The following SYCP2 variants were observed in gnomAD, a reference collection of about 807,000 sequenced individuals.
SYCP2 encodes synaptonemal complex lateral element protein.
A neutral mutation model predicts 211.3 loss-of-function variants in SYCP2; 55 were observed. The ratio of observed to expected loss-of-function variants is 0.26; its 90% confidence interval spans 0.21 to 0.33. The LOEUF is 0.33. Among genes scored for constraint, SYCP2 ranks in the 10% least tolerant of loss-of-function variants. The pLI, the probability that SYCP2 is intolerant of heterozygous loss-of-function variation, is 1.00. For missense variants in SYCP2, 1,731 were observed against 1,752.0 expected (o/e 0.99, Z 0.21); for synonymous variants, 570 against 555.2 (o/e 1.03, Z -0.37).
chr20:59,894,498 T>C (rs894104476), intron 20 of SYCP2, among the ~76,000 whole-genome samples: 1 of 151,878 alleles, frequency 6.6e-6, no homozygotes, highest in Non-Finnish European at 1.5e-5. Flanking sequence ...CCATTTAAAT[T>C]AAAAAAATAG....
intron 30 of SYCP2, 65 bp from the exon 31 acceptor site, chr20:59,880,536 T>A: frequency 2.1e-6 from 2 of 944,236 alleles, no homozygotes; most frequent in Non-Finnish European, 3.0e-6. Context: ...CAAGGTAAGT[T>A]AAACCAAAAC....
Position 59,881,433 on chromosome 20 carries a change from C to T in SYCP2, c.2714+4G>A. On this transcript the variant is annotated splice_donor_region_variant and intron_variant, in intron 29 of 44. Transcript: ENST00000357552. ...GAATATTTTAATCTAATAAAAATAC[C>T]TACAATCTAATTGACCTATCCGCAC... 1 of 1,463,718 alleles carries T rather than the reference C, an allele frequency of 6.8e-7. No homozygotes were observed. The highest frequency in any genetic ancestry group is 1.3e-5 in the South Asian group (1 of 79,170). 90.7% of individuals were successfully genotyped at this position (1,463,718 alleles called of 1,614,324 possible).
Position 59,912,397 on chromosome 20 carries a change from T to C in SYCP2, c.852A>G (p.Leu284=). The change falls in exon 13 of 45, where the codon TTA becomes TTG. Residue 284 remains leucine, a synonymous_variant. Transcript: ENST00000357552. ...CCTCATATTTATCAAGAAATGCTGA[T>C]AAACAAGGAAATGTAAAGACCCTGA... ...DKRRVFTFPC[L]SAFLDKYELQ... is the part of the protein sequence containing the mutation. The C allele has an allele frequency of 9.2e-7, 1 of 1,087,432 alleles. No individual in the cohort carries two copies. The highest frequency in any genetic ancestry group is 1.3e-6 in the Non-Finnish European group (1 of 754,420). The allele number at this position is 1,087,432 out of a possible 1,614,324, so 67.4% of individuals were successfully genotyped here.
In SYCP2 at chr20:59,926,762, G is replaced by A. The variant is rs79441573; in HGVS notation, c.-46-4303C>T. Reference sequence around the variant, plus strand: ...AGAAATAAAAGTTGAGGTTTTGAATGTACTGGGTGGGGAAGGAAAACATGT... The same window carrying A: ...AGAAATAAAAGTTGAGGTTTTGAATATACTGGGTGGGGAAGGAAAACATGT... On this transcript the variant is annotated intron_variant, in intron 2 of 44. Coordinates refer to ENST00000357552, the MANE Select transcript of SYCP2 (RefSeq NM_014258.4). Among the ~76,000 whole-genome samples, 1,120 of 152,244 alleles carry A rather than the reference G, an allele frequency of 7.4e-3. 19 individuals carry two copies. Among genetic ancestry groups the A allele is most frequent in the African/African-American group, 0.025 (1,058 of 41,564 alleles).
rs1171057526 is a variant in SYCP2 at position 59,900,741 on chromosome 20, T to TA, written c.1257+2dup. 3.1e-6 allele frequency: 5 copies of TA among 1,611,738 alleles called. No individual in the cohort carries two copies. Among genetic ancestry groups the TA allele is most frequent in the Non-Finnish European group, 4.2e-6 (5 of 1,178,392 alleles). ...ATAAAAATCAAGTAAGTCTGAGACA[T>TA]ACCTGTGATCCACTTGCGTCAAAAA... On this transcript the variant is annotated splice_region_variant and intron_variant, in intron 17 of 44. Coordinates refer to ENST00000357552, the MANE Select transcript of SYCP2 (RefSeq NM_014258.4).
chr20:59,873,760 T>C, intron 35 of SYCP2, 96 bp downstream of exon 35: 1 of 1,107,890 alleles, frequency 9.0e-7, no homozygotes, highest in Non-Finnish European at 1.3e-6. Flanking sequence ...AAACCTTAAA[T>C]AGACAAGCAA....
At chr20:59,932,892 C>G (rs555278827) in intron 1 of SYCP2, among the ~76,000 whole-genome samples, 1 of 152,202 alleles carries the variant, frequency 6.6e-6, no homozygotes, top group African/African-American at 2.4e-5. Context: ...CTGAAGGCGC[C>G]GAGCAGGAGG....
chr20:59,865,348 T>C (rs376329143), intron 44 of SYCP2, 40 bp downstream of exon 44: 14 of 1,507,188 alleles, frequency 9.3e-6, no homozygotes, highest in Non-Finnish European at 1.3e-5. Context: ...CAAAAGACAT[T>C]AAAGTATGAT....
chr20:59,894,000 A>G (rs1314654790), intron 20 of SYCP2, among the ~76,000 whole-genome samples: 6 of 152,020 alleles, frequency 3.9e-5, no homozygotes, highest in African/African-American at 1.4e-4. Flanking sequence ...AATTATCATC[A>G]GATATCGAAG....
chr20:59,916,708 G>C, intron 7 of SYCP2, 137 bp from the exon 8 acceptor site: 1 of 582,464 alleles, frequency 1.7e-6, no homozygotes, highest in South Asian at 2.1e-5. Flanking sequence ...GGAAGGCCCA[G>C]ATAGGTAGAC....
At chr20:59,886,537 C>T (rs917105329) in intron 25 of SYCP2, among the ~76,000 whole-genome samples, 170 bp downstream of exon 25, 2 of 151,726 alleles carry the variant, frequency 1.3e-5, no homozygotes, top group Admixed American at 1.3e-4. Context: ...ATTTAGTTCC[C>T]TTCTTGTGTA....
At chr20:59,892,479 G>A (rs2059926078) in intron 23 of SYCP2, 53 bp from the exon 24 acceptor site, 1 of 1,474,302 alleles carries the variant, frequency 6.8e-7, no homozygotes, top group African/African-American at 1.4e-5. Context: ...GTTGACATAT[G>A]TAAAATTTGT....
chr20:59,893,387 T>G (rs1055758356), intron 21 of SYCP2, 137 bp downstream of exon 21: 3 of 786,382 alleles, frequency 3.8e-6, no homozygotes, highest in Non-Finnish European at 6.0e-6. Context: ...ACCTCAAAAA[T>G]TCCTTGCACA....
At chr20:59,876,369 CA>C (rs765782164) in intron 33 of SYCP2, among the ~76,000 whole-genome samples, 28 of 23,036 alleles carry the variant, frequency 1.2e-3, no homozygotes, top group Non-Finnish European at 2.3e-3. Flanking sequence ...GGCTGTGTCT[CA>C]AAAAAAAAAA....
In SYCP2 at chr20:59,866,277, T is replaced by G. The variant is rs775938923; in HGVS notation, c.4320+16A>C. ...AAGGTTTTAAACTTATTTAAAAAAT[T>G]TTTAAAGTAACAAACCACAAATTCC... On this transcript the variant is annotated intron_variant, in intron 41 of 44. Coordinates refer to ENST00000357552, the MANE Select transcript of SYCP2 (RefSeq NM_014258.4). 12 of 1,536,716 alleles carry G rather than the reference T, an allele frequency of 7.8e-6. No individual in the cohort carries two copies. The highest frequency in any genetic ancestry group is 1.2e-5 in the South Asian group (1 of 80,990).
rs181467323 is a variant in SYCP2 at position 59,882,600 on chromosome 20, A to T, written c.2530-435T>A. Reference sequence around the variant, plus strand: ...ATACAACGAAATATTATTCAGCAATAAAAAAAGAATGAAATCCTGTCACTT... The same window carrying T: ...ATACAACGAAATATTATTCAGCAATTAAAAAAGAATGAAATCCTGTCACTT... On this transcript the variant is annotated intron_variant, in intron 26 of 44. Transcript: ENST00000357552. Among the ~76,000 whole-genome samples the T allele has an allele frequency of 7.3e-3, 1,118 of 152,256 alleles. 19 individuals carry two copies. The highest frequency in any genetic ancestry group is 0.025 in the African/African-American group (1,056 of 41,546).
chr20:59,881,507 A>C lies in SYCP2; in HGVS notation c.2659-15T>G. On this transcript the variant is annotated splice_polypyrimidine_tract_variant and intron_variant, in intron 28 of 44. Coordinates refer to ENST00000357552, the MANE Select transcript of SYCP2 (RefSeq NM_014258.4). ...AACTCTTGGATCTATATTGTAAATA[A>C]ACAAAAAAAAAGAGGTGTCAGTGTC... 7.1e-7 allele frequency: 1 copy of C among 1,403,760 alleles called. No homozygotes were observed. The allele number at this position is 1,403,760 out of a possible 1,614,324, so 87.0% of individuals were successfully genotyped here.
intron 39 of SYCP2, among the ~76,000 whole-genome samples, chr20:59,867,028 A>AAAAAG (rs1456549961): frequency 6.2e-5 from 9 of 144,646 alleles, no homozygotes; most frequent in African/African-American, 2.0e-4. Flanking sequence ...AAAAAAAAAA[A>AAAAAG]AAAAAAAGAA....
chr20:59,900,209 T>C lies in SYCP2; in HGVS notation c.1333A>G (p.Lys445Glu), dbSNP rs745494609. ...TATTTTGAAGGTTTAGCAAATTCCT[T>C]TGGGGACTTTGATTTTTCCTTTAAA... ...VSLKEKSKSPKEFAKPSKYIK... is the reference protein window; with the variant it reads ...VSLKEKSKSPEEFAKPSKYIK... The change falls in exon 18 of 45, where the codon AAG (lysine) becomes GAG (glutamate). Residue 445 changes from lysine to glutamate, a missense_variant. This residue lies in a region of SYCP2 where 1,387 missense variants were observed against 1,351.3 expected (regional missense o/e 1.03). Coordinates refer to ENST00000357552, the MANE Select transcript of SYCP2 (RefSeq NM_014258.4). 9.9e-6 allele frequency: 16 copies of C among 1,613,090 alleles called. No homozygotes were observed. Among genetic ancestry groups the C allele is most frequent in the African/African-American group, 1.3e-5 (1 of 75,002 alleles).
Sources: gnomAD v4.1 joint callset for allele counts (sites outside exome capture counted in the v4.1 genomes callset) on GRCh38, gnomAD v4.1.1 for gene constraint, gnomAD v4.1.1 regional missense constraint, MANE v1.5 for transcripts, NCBI Gene and HGNC (gene_info 2026-07-23, HGNC 2026-07-21) for gene names.